NUMA1: variants seen among roughly 807,000 people sequenced by gnomAD.
NUMA1 encodes the protein SP-H antigen.
Under a neutral mutation model 237.1 loss-of-function variants are expected in NUMA1, and 62 were observed. That is an observed-to-expected ratio of 0.26 (90% CI 0.21 to 0.32). NUMA1 has a LOEUF of 0.32. NUMA1 is among the 10% of genes least tolerant of loss of function. NUMA1 has a pLI of 1.00. For missense variants in NUMA1, 2,533 were observed against 2,666.5 expected (o/e 0.95, Z 1.10); for synonymous variants, 1,028 against 1,066.1 (o/e 0.96, Z 0.70).
chr11:72,050,541 C>CAGGATTTTTA (rs1942278903), intron 2 of NUMA1: 1 of 152,202 alleles, frequency 6.6e-6, no homozygotes, highest in Non-Finnish European at 1.5e-5. Flanking sequence ...GAACAAACTT[C>CAGGATTTTTA]AGGATTTTTA....
rs1956478779 is a variant in NUMA1, at chr11:72,015,662, G to A, written c.1841C>T (p.Ala614Val). The change falls in exon 15 of 27, where the codon GCT (alanine) becomes GTT (valine). Residue 614 changes from alanine to valine, a missense_variant. Transcript: ENST00000393695. This position sits in a 1 kb window ranked among gnomAD's most constrained non-coding sequence, Gnocchi z 4.0. Reference sequence around the variant, plus strand: ...CTGCTGCAGAATCTCCAGCTTGGCAGCCTTCTCCTTCTCCAGTGCCTCCAG... The same window carrying A: ...CTGCTGCAGAATCTCCAGCTTGGCAACCTTCTCCTTCTCCAGTGCCTCCAG... ...KQLEALEKEK[A>V]AKLEILQQQL... The A allele has an allele frequency of 6.2e-7, 1 of 1,613,788 alleles. No individual in the cohort carries two copies. The highest frequency in any genetic ancestry group is 8.5e-7 in the Non-Finnish European group (1 of 1,180,046).
intron 2 of NUMA1, among the ~76,000 whole-genome samples, chr11:72,047,471 G>A (rs1272558364): frequency 7.2e-6 from 1 of 139,458 alleles, no homozygotes; most frequent in South Asian, 2.5e-4. Context: ...CTGGGCAACA[G>A]AGCAAGACAC....
intron 9 of NUMA1, 29 bp downstream of exon 9, chr11:72,019,465 T>G (rs911231543): frequency 6.2e-7 from 1 of 1,608,320 alleles, no homozygotes; most frequent in African/African-American, 1.3e-5. Flanking sequence ...GCTGAGGCCC[T>G]ATCCCAGGAG....
chr11:72,069,569 A>T (rs539720826), intron 2 of NUMA1, among the ~76,000 whole-genome samples: 1 of 152,328 alleles, frequency 6.6e-6, no homozygotes, highest in Non-Finnish European at 1.5e-5. Flanking sequence ...TCAATGGCCA[A>T]TGTTTAGTGT....
At chr11:72,021,645 T>G (rs1209951036) in intron 7 of NUMA1, among the ~76,000 whole-genome samples, 1 of 152,226 alleles carries the variant, frequency 6.6e-6, no homozygotes, top group African/African-American at 2.4e-5. Context: ...TCTTGCTCTG[T>G]CACCCAGGCT....
rs1301319131 is a variant in NUMA1, at chr11:72,003,955, T to C, written c.6268A>G (p.Ile2090Val). Reference sequence around the variant, plus strand: ...GCGGCGCTGGCTGTGGTGGTGGCAATGCGCGGAGAACGGCGGGTTCCACTG... The same window carrying C: ...GCGGCGCTGGCTGTGGTGGTGGCAACGCGCGGAGAACGGCGGGTTCCACTG... Reference protein sequence around the residue: ...TRSGTRRSPRIATTTASAATA... With the variant: ...TRSGTRRSPRVATTTASAATA... The change falls in exon 26 of 27, where the codon ATT becomes GTT. Residue 2090 changes from isoleucine to valine, a missense_variant. Transcript: ENST00000393695. 3 of 1,613,298 alleles carry C rather than the reference T, an allele frequency of 1.9e-6. No individual in the cohort carries two copies. Among genetic ancestry groups the C allele is most frequent in the South Asian group, 1.1e-5 (1 of 91,042 alleles).
intron 1 of NUMA1, among the ~76,000 whole-genome samples, chr11:72,072,948 G>A (rs1181690677): frequency 1.4e-5 from 2 of 147,466 alleles, no homozygotes; most frequent in African/African-American, 5.0e-5. Flanking sequence ...AGGGGAGGCT[G>A]AGGCAGGAGA....
At chr11:72,046,311 G>A (rs1254055426) in intron 2 of NUMA1, among the ~76,000 whole-genome samples, 5 of 152,306 alleles carry the variant, frequency 3.3e-5, no homozygotes, top group Non-Finnish European at 5.9e-5. Flanking sequence ...TTGGGAGGCC[G>A]AGGCAGGCGG....
At position 72,010,815 on chromosome 11, in the gene NUMA1, C is replaced by T; in HGVS notation, c.4690G>A (p.Ala1564Thr). 3 of 1,613,884 alleles carry T rather than the reference C, an allele frequency of 1.9e-6. No individual in the cohort carries two copies. Among genetic ancestry groups the T allele is most frequent in the Non-Finnish European group, 2.5e-6 (3 of 1,179,992 alleles). The change falls in exon 17 of 27, where the codon GCC becomes ACC. Residue 1564 changes from alanine to threonine, a missense_variant. Ala to Thr is a moderately conservative substitution (Grantham distance 58). This residue lies in a region of NUMA1 where 795 missense variants were observed against 750.8 expected (regional missense o/e 1.06). Transcript: ENST00000393695. Reference sequence around the variant, plus strand: ...AGCTTCTGCTGCTGCACCTTGCTGGCTTGGTCAGAGTCAGCCAGTTTCTTA... The same window carrying T: ...AGCTTCTGCTGCTGCACCTTGCTGGTTTGGTCAGAGTCAGCCAGTTTCTTA... ...LSKKLADSDQ[A>T]SKVQQQKLKA...
At chr11:72,078,597 G>A (rs1462487790) in intron 1 of NUMA1, among the ~76,000 whole-genome samples, 1 of 152,160 alleles carries the variant, frequency 6.6e-6, no homozygotes, top group Admixed American at 6.5e-5. Flanking sequence ...GTTTCTTAAC[G>A]AGCTTTCAGG....
At chr11:72,026,929 C>T (rs937600352) in intron 4 of NUMA1, among the ~76,000 whole-genome samples, 30 of 152,174 alleles carry the variant, frequency 2.0e-4, no homozygotes, top group African/African-American at 6.0e-4. Flanking sequence ...ATTTCAATAT[C>T]GCCTACCTCC....
intron 13 of NUMA1, 105 bp from the exon 14 acceptor site, chr11:72,016,635 C>T (rs1937812909): frequency 7.2e-7 from 1 of 1,388,404 alleles, no homozygotes; most frequent in African/African-American, 1.4e-5. Flanking sequence ...CATCTTGTTA[C>T]CAAGATCTCC....
intron 3 of NUMA1, among the ~76,000 whole-genome samples, chr11:72,031,996 GAAA>G (rs369967755): frequency 4.3e-5 from 3 of 69,574 alleles, no homozygotes; most frequent in Non-Finnish European, 2.9e-5. Flanking sequence ...AAAAGAGAGA[GAAA>G]GGAAAAATAG....
At position 72,013,351 on chromosome 11, in the gene NUMA1, C is replaced by T. The variant is rs1281759418; in HGVS notation, c.4152G>A (p.Glu1384=). ...CAGCGGCCTGCTTGCTCTGCTCCAG[C>T]TCCTCACGGTGGCGTTTCTCGGCAG... The part of the protein sequence containing the change: ...QAAAEKRHRE[E]LEQSKQAAGG... The change falls in exon 15 of 27, where the codon GAG becomes GAA. Residue 1384 remains glutamate, a synonymous_variant. Transcript: ENST00000393695. This position sits in a 1 kb window ranked among gnomAD's most constrained non-coding sequence, Gnocchi z 6.8. 6.2e-7 allele frequency: 1 copy of T among 1,608,800 alleles called. No homozygotes were observed. Among genetic ancestry groups the T allele is most frequent in the Non-Finnish European group, 8.5e-7 (1 of 1,179,890 alleles).
chr11:72,024,877 T>A (rs1363951207), intron 4 of NUMA1: 4 of 156,684 alleles, frequency 2.6e-5, no homozygotes, highest in African/African-American at 9.7e-5. Flanking sequence ...CAGAGGAGGA[T>A]CCCAGGGACT....
intron 3 of NUMA1, among the ~76,000 whole-genome samples, chr11:72,035,473 T>C (rs1194598451): frequency 1.3e-5 from 2 of 150,610 alleles, no homozygotes; most frequent in African/African-American, 4.9e-5. Flanking sequence ...AATGGTGTGA[T>C]CTCGGCTCAC....
intron 20 of NUMA1, 122 bp from the exon 21 acceptor site, chr11:72,007,557 C>T: frequency 7.8e-7 from 1 of 1,275,938 alleles, no homozygotes; most frequent in Admixed American, 2.3e-5. Flanking sequence ...CAGCCCATCT[C>T]TCTGATTTTT....
At chr11:72,022,704 T>C (rs1939047306) in intron 6 of NUMA1, among the ~76,000 whole-genome samples, 2 of 151,844 alleles carry the variant, frequency 1.3e-5, no homozygotes, top group African/African-American at 2.4e-5. Context: ...GTACCCTCTA[T>C]AGGCCAGCAC....
chr11:72,070,366 C>T (rs1943390225), intron 1 of NUMA1, among the ~76,000 whole-genome samples: 1 of 152,188 alleles, frequency 6.6e-6, no homozygotes, highest in South Asian at 2.1e-4. Context: ...AACCTTATTT[C>T]CCACTATTCT....
Sources: gnomAD v4.1 joint callset for allele counts (sites outside exome capture counted in the v4.1 genomes callset) on GRCh38, gnomAD v4.1.1 for gene constraint, gnomAD v4.1.1 regional missense constraint, Gnocchi (gnomAD v3.1) non-coding constraint, MANE v1.5 for transcripts, NCBI Gene and HGNC (gene_info 2026-07-23, HGNC 2026-07-21) for gene names.